Variants in PDE4B observed in about 807,000 individuals in gnomAD.
PDE4B encodes 3',5'-cyclic-AMP phosphodiesterase 4B.
In PDE4B, 20 loss-of-function variants were observed where a neutral mutation model predicts 82.2. The observed-to-expected ratio is 0.24, with a 90% CI of 0.17 to 0.35. PDE4B has a LOEUF of 0.35. PDE4B is among the 10% of genes least tolerant of loss of function. The pLI is 1.00. For missense variants in PDE4B, 655 were observed against 907.2 expected, an observed-to-expected ratio of 0.72 and a Z score of 3.57; for synonymous variants, 320 against 318.9, an observed-to-expected ratio of 1.00 and a Z score of -0.04.
chr1:66,261,916 G>A (rs768543795), intron 6 of PDE4B, among the ~76,000 whole-genome samples: 3 of 152,318 alleles, frequency 2.0e-5, no homozygotes, highest in Non-Finnish European at 4.4e-5. Context: ...AATCAGGTGC[G>A]CAAGTGAGTG....
chr1:66,339,265 T>C (rs1174741267), intron 8 of PDE4B, among the ~76,000 whole-genome samples: 2 of 152,218 alleles, frequency 1.3e-5, no homozygotes, highest in South Asian at 2.1e-4. Flanking sequence ...TTCTTTGTCA[T>C]TGTTTCAGTT....
intron 3 of PDE4B, among the ~76,000 whole-genome samples, chr1:66,137,043 T>G (rs1646073039): frequency 6.6e-6 from 1 of 151,942 alleles, no homozygotes; most frequent in Non-Finnish European, 1.5e-5. Flanking sequence ...ATGGCAAGGG[T>G]TTTTGAGAAG....
chr1:66,024,492 G>T (rs1319253016), intron 3 of PDE4B, among the ~76,000 whole-genome samples: 1 of 152,048 alleles, frequency 6.6e-6, no homozygotes, highest in Non-Finnish European at 1.5e-5. Flanking sequence ...CATTAAACTA[G>T]AATTTGTCCC....
chr1:66,336,728 C>T (rs1660547808), intron 8 of PDE4B, among the ~76,000 whole-genome samples: 1 of 152,134 alleles, frequency 6.6e-6, no homozygotes, highest in Admixed American at 6.5e-5. Context: ...GATAGATGGT[C>T]CTTCTTCTCT....
chr1:65,938,807 A>T (rs1314309956), intron 3 of PDE4B, among the ~76,000 whole-genome samples: 1 of 152,068 alleles, frequency 6.6e-6, no homozygotes, highest in East Asian at 1.9e-4. Flanking sequence ...GTGTGGAGAG[A>T]TGCAATTTGA....
At chr1:66,357,813 T>G (rs1224714319) in intron 9 of PDE4B, among the ~76,000 whole-genome samples, 1 of 152,088 alleles carries the variant, frequency 6.6e-6, no homozygotes, top group Non-Finnish European at 1.5e-5. Flanking sequence ...ATGGGAACAC[T>G]GGTATAGATG....
chr1:66,358,430 G>A (rs534978990), intron 9 of PDE4B, among the ~76,000 whole-genome samples: 41 of 152,182 alleles, frequency 2.7e-4, no homozygotes, highest in Non-Finnish European at 4.9e-4. Context: ...ATCCCAGCAC[G>A]TTCAGAGGCC....
intron 3 of PDE4B, among the ~76,000 whole-genome samples, chr1:65,975,541 G>A (rs957764456): frequency 1.3e-5 from 2 of 152,200 alleles, no homozygotes; most frequent in African/African-American, 2.4e-5. Context: ...AATGATAATA[G>A]CCAAGACAAT....
chr1:65,934,488 A>T (rs1648013195), intron 3 of PDE4B, among the ~76,000 whole-genome samples: 1 of 152,206 alleles, frequency 6.6e-6, no homozygotes, highest in South Asian at 2.1e-4. Flanking sequence ...GAACCACAAG[A>T]CAAACAGACA....
chr1:65,837,075 A>T (rs1646148107), intron 1 of PDE4B, among the ~76,000 whole-genome samples: 1 of 151,478 alleles, frequency 6.6e-6, no homozygotes, highest in Admixed American at 6.6e-5. Context: ...AAAATTAAAC[A>T]TACCAGCCAG....
At chr1:66,317,830 G>A (rs181043543) in intron 7 of PDE4B, among the ~76,000 whole-genome samples, 27 of 152,300 alleles carry the variant, frequency 1.8e-4, no homozygotes, top group Non-Finnish European at 2.8e-4. Context: ...CTAGGAGTTC[G>A]AGGCTGCAGT....
chr1:65,995,180 C>T (rs1651470425), intron 3 of PDE4B, among the ~76,000 whole-genome samples: 1 of 151,898 alleles, frequency 6.6e-6, no homozygotes, highest in Non-Finnish European at 1.5e-5. Flanking sequence ...TCATTTTCAC[C>T]CTTTTTTCTT....
chr1:66,324,750 C>T (rs1371046935), intron 7 of PDE4B, among the ~76,000 whole-genome samples: 1 of 152,070 alleles, frequency 6.6e-6, no homozygotes, highest in African/African-American at 2.4e-5. Context: ...CAAAGTTCTG[C>T]CTAAAGAAAG....
chr1:66,282,218 T>C (rs1357878758), intron 7 of PDE4B, among the ~76,000 whole-genome samples: 2 of 152,206 alleles, frequency 1.3e-5, no homozygotes, highest in African/African-American at 2.4e-5. Context: ...GAAAATACAT[T>C]TCAAGCTTTA....
intron 1 of PDE4B, among the ~76,000 whole-genome samples, chr1:65,821,746 C>A (rs1645955173): frequency 6.6e-6 from 1 of 152,146 alleles, no homozygotes; most frequent in African/African-American, 2.4e-5. Context: ...CTATTTAGTG[C>A]AGTTGTTCTC....
chr1:66,351,950 A>G (rs992551408), intron 8 of PDE4B, among the ~76,000 whole-genome samples: 4 of 152,120 alleles, frequency 2.6e-5, no homozygotes, highest in Non-Finnish European at 5.9e-5. Flanking sequence ...CTCTACATAT[A>G]CTAGAATGTA....
chr1:66,369,378 C>T (rs958684578), intron 16 of PDE4B, among the ~76,000 whole-genome samples: 1 of 152,194 alleles, frequency 6.6e-6, no homozygotes, highest in African/African-American at 2.4e-5. Flanking sequence ...TAATCAAGCC[C>T]ACGGTGACCA....
chr1:66,162,762 G>T (rs1412260418), intron 3 of PDE4B, among the ~76,000 whole-genome samples: 1 of 152,144 alleles, frequency 6.6e-6, no homozygotes, highest in Non-Finnish European at 1.5e-5. Flanking sequence ...GCGGTTTTTG[G>T]ATTTGAGATG....
At chr1:65,950,034 C>G (rs1648914454) in intron 3 of PDE4B, among the ~76,000 whole-genome samples, 2 of 152,014 alleles carry the variant, frequency 1.3e-5, no homozygotes, top group Admixed American at 1.3e-4. Context: ...GGCTGCCATC[C>G]AGGTGCAGAA....
Sources: gnomAD v4.1 joint callset for allele counts (sites outside exome capture counted in the v4.1 genomes callset) on GRCh38, gnomAD v4.1.1 for gene constraint, MANE v1.5 for transcripts, NCBI Gene and HGNC (gene_info 2026-07-23, HGNC 2026-07-21) for gene names.